RIN2: variants seen among roughly 807,000 people sequenced by gnomAD.
The protein encoded by RIN2 is RAB5 interacting protein 2.
A neutral mutation model predicts 78.0 loss-of-function variants in RIN2; 36 were observed. The observed-to-expected ratio is 0.46, with a 90% CI of 0.35 to 0.61. The LOEUF (loss-of-function observed/expected upper bound fraction) is 0.61, where lower values mean the gene tolerates loss of function less well. RIN2 is among the 20% of genes least tolerant of loss of function. The pLI is 0.00. For missense variants in RIN2, 1,087 were observed against 1,159.7 expected, an observed-to-expected ratio of 0.94 and a Z score of 0.91; for synonymous variants, 466 against 466.8, an observed-to-expected ratio of 1.00 and a Z score of 0.02.
rs767306036 is a variant in RIN2 at position 19,784,494 on chromosome 20, G to A, written c.-162-15128G>A. 4.4e-4 allele frequency among the ~76,000 whole-genome samples: 65 copies of A among 147,416 alleles called. 3 individuals carry two copies. The highest frequency in any genetic ancestry group is 3.7e-4 in the Non-Finnish European group (25 of 68,000). On this transcript the variant is annotated intron_variant, in intron 1 of 12. Transcript: ENST00000255006. ...TGGCATTATTATTTAAACACATAGG[G>A]AACTCTGAATTTCAGTAGAATAATG...
chr20:19,998,472 G>A (rs574861604), intron 12 of RIN2, among the ~76,000 whole-genome samples: 6 of 152,172 alleles, frequency 3.9e-5, no homozygotes, highest in Admixed American at 2.6e-4. Flanking sequence ...TTAGGTAGGC[G>A]TAGTGGTGCA....
intron 4 of RIN2, among the ~76,000 whole-genome samples, chr20:19,942,719 C>G (rs1442118256): frequency 1.3e-5 from 2 of 152,178 alleles, no homozygotes; most frequent in Non-Finnish European, 2.9e-5. Context: ...CCTAGAAATG[C>G]AGTTTCCTAG....
At chr20:19,964,585 G>A (rs912772600) in intron 6 of RIN2, among the ~76,000 whole-genome samples, 4 of 152,160 alleles carry the variant, frequency 2.6e-5, no homozygotes, top group African/African-American at 9.7e-5. Flanking sequence ...GAGGGGAGTA[G>A]GGGTCTTGGT....
chr20:19,826,072 T>C (rs6046350), intron 2 of RIN2, among the ~76,000 whole-genome samples: 6,525 of 151,302 alleles, frequency 0.043, 218 homozygotes, highest in African/African-American at 0.091. Context: ...TTGTTGCTCA[T>C]GCTAATATAT....
intron 2 of RIN2, chr20:19,889,061 A>C (rs1482172016): frequency 1.1e-6 from 1 of 910,410 alleles, no homozygotes; most frequent in East Asian, 1.2e-4. Flanking sequence ...TTTCTAAGGG[A>C]AAAATAGAGC....
chr20:19,849,027 C>T (rs535577738), intron 2 of RIN2, among the ~76,000 whole-genome samples: 32 of 152,274 alleles, frequency 2.1e-4, no homozygotes, highest in African/African-American at 7.5e-4. Flanking sequence ...GTACAATGGT[C>T]ACTACCTTTG....
intron 9 of RIN2, among the ~76,000 whole-genome samples, chr20:19,976,851 T>C (rs757506095): frequency 3.3e-5 from 5 of 152,012 alleles, no homozygotes; most frequent in Non-Finnish European, 5.9e-5. Flanking sequence ...TCTCTCTCTC[T>C]CTCCTCTCTT....
At chr20:19,796,267 A>T (rs2035052268) in intron 1 of RIN2, among the ~76,000 whole-genome samples, 1 of 152,174 alleles carries the variant, frequency 6.6e-6, no homozygotes, top group South Asian at 2.1e-4. Flanking sequence ...AGGAATTCAC[A>T]TATCCTCCTT....
intron 2 of RIN2, among the ~76,000 whole-genome samples, chr20:19,853,596 C>A (rs1157542609): frequency 1.3e-5 from 2 of 152,190 alleles, no homozygotes; most frequent in Admixed American, 6.5e-5. Flanking sequence ...GAGATGGTAT[C>A]TCATTGTGGT....
At chr20:19,889,389 C>A in intron 2 of RIN2, 177 bp from the exon 3 acceptor site, 1 of 1,204,064 alleles carries the variant, frequency 8.3e-7, no homozygotes, top group East Asian at 3.1e-5. Context: ...CTAGGAACTG[C>A]GCTGGTGGGG....
intron 5 of RIN2, among the ~76,000 whole-genome samples, chr20:19,959,048 C>T (rs2041649800): frequency 1.3e-5 from 2 of 152,070 alleles, no homozygotes. Flanking sequence ...CTGTAAAGGG[C>T]AAAGTAAACT....
At chr20:19,791,898 A>G (rs1453245141) in intron 1 of RIN2, among the ~76,000 whole-genome samples, 3 of 152,202 alleles carry the variant, frequency 2.0e-5, no homozygotes, top group Non-Finnish European at 4.4e-5. Flanking sequence ...AAACTTACCT[A>G]AAATGTTCAT....
intron 2 of RIN2, among the ~76,000 whole-genome samples, chr20:19,806,294 C>G (rs1600498849): frequency 3.3e-5 from 5 of 152,124 alleles, no homozygotes; most frequent in Admixed American, 3.3e-4. Context: ...AGGAATCGCC[C>G]CAGTGTTTTC....
intron 8 of RIN2, among the ~76,000 whole-genome samples, chr20:19,973,551 G>A (rs2042172485): frequency 1.3e-5 from 2 of 152,212 alleles, no homozygotes; most frequent in Admixed American, 1.3e-4. Context: ...CACTTTGGGA[G>A]GCCAAGGCAG....
rs2038984001 is a variant in RIN2, at chr20:19,901,552, C to G, written c.57+11894C>G. Among the ~76,000 whole-genome samples the G allele has an allele frequency of 3.3e-5, 5 of 152,204 alleles. No homozygotes were observed. The South Asian group carries it at 1.0e-3, about 31-fold the overall frequency. On this transcript the variant is annotated intron_variant, in intron 3 of 12. Coordinates refer to ENST00000255006, the MANE Select transcript of RIN2 (RefSeq NM_018993.4). The stretch of plus-strand genomic sequence containing the variant: ...CTAAACCCTGGGGAAAATGAACACT[C>G]AAACTCCGTTGTTGGTATACACTGC...
chr20:19,777,781 C>T (rs2034362737), intron 1 of RIN2, among the ~76,000 whole-genome samples: 1 of 152,236 alleles, frequency 6.6e-6, no homozygotes, highest in Admixed American at 6.5e-5. Context: ...ACACTCAAAA[C>T]ACTGGCGTGG....
At chr20:19,918,125 C>T (rs143922399) in intron 3 of RIN2, among the ~76,000 whole-genome samples, 31 of 152,246 alleles carry the variant, frequency 2.0e-4, no homozygotes, top group Non-Finnish European at 3.7e-4. Context: ...GTGACACCCA[C>T]GCCAGTGCAT....
At chr20:19,906,614 G>A (rs2039229414) in intron 3 of RIN2, among the ~76,000 whole-genome samples, 1 of 152,174 alleles carries the variant, frequency 6.6e-6, no homozygotes, top group African/African-American at 2.4e-5. Flanking sequence ...CATAGGGAGT[G>A]GTGGGGTCTG....
At chr20:19,786,477 C>T (rs1385603036) in intron 1 of RIN2, among the ~76,000 whole-genome samples, 1 of 152,118 alleles carries the variant, frequency 6.6e-6, no homozygotes, top group East Asian at 1.9e-4. Flanking sequence ...CTTCCCGTTC[C>T]CCACCCCCAC....
Sources: gnomAD v4.1 joint callset for allele counts (sites outside exome capture counted in the v4.1 genomes callset) on GRCh38, gnomAD v4.1.1 for gene constraint, MANE v1.5 for transcripts, NCBI Gene and HGNC (gene_info 2026-07-23, HGNC 2026-07-21) for gene names.